PKNOX2: variants seen among roughly 807,000 people sequenced by gnomAD.
PKNOX2 encodes homeobox protein PKNOX2.
A neutral mutation model predicts 53.1 loss-of-function variants in PKNOX2; 14 were observed. The observed-to-expected ratio is 0.26, with a 90% CI of 0.17 to 0.41. The LOEUF (loss-of-function observed/expected upper bound fraction) is 0.41. Ranked by LOEUF, PKNOX2 falls within the 10% of genes least tolerant of loss-of-function variation. The probability of loss-of-function intolerance (pLI) is 1.00; values close to 1 mark genes in which losing one functional copy is unlikely to be tolerated. For missense variants in PKNOX2, 496 were observed against 602.8 expected (o/e 0.82, Z 1.85); for synonymous variants, 257 against 242.8 (o/e 1.06, Z -0.54).
intron 2 of PKNOX2, among the ~76,000 whole-genome samples, chr11:125,295,535 G>T (rs941953466): frequency 6.6e-6 from 1 of 152,220 alleles, no homozygotes; most frequent in Non-Finnish European, 1.5e-5. Context: ...GGCCTTTGCT[G>T]GATTCCTGTG....
chr11:125,388,877 G>A (rs1435804774), intron 6 of PKNOX2, among the ~76,000 whole-genome samples: 1 of 152,176 alleles, frequency 6.6e-6, no homozygotes, highest in African/African-American at 2.4e-5. Flanking sequence ...AGAAGAAACA[G>A]ATTCATCAAC....
At chr11:125,182,371 A>G (rs961833788) in intron 1 of PKNOX2, among the ~76,000 whole-genome samples, 10 of 152,198 alleles carry the variant, frequency 6.6e-5, no homozygotes, top group African/African-American at 2.4e-4. Context: ...ATAGGCAGAT[A>G]GATGTCTATG....
intron 2 of PKNOX2, among the ~76,000 whole-genome samples, chr11:125,304,084 G>A (rs2005404): frequency 0.2 from 29,807 of 152,072 alleles, 3,499 homozygotes; most frequent in East Asian, 0.33. Context: ...TCTGATACCC[G>A]CAGGGAGCTT....
chr11:125,376,467 C>T (rs1441806888), intron 5 of PKNOX2, among the ~76,000 whole-genome samples: 1 of 152,134 alleles, frequency 6.6e-6, no homozygotes, highest in Non-Finnish European at 1.5e-5. Flanking sequence ...CTACTCCCTC[C>T]CCTCCCTCTA....
intron 2 of PKNOX2, among the ~76,000 whole-genome samples, chr11:125,296,103 C>T (rs527563875): frequency 2.0e-5 from 3 of 152,166 alleles, no homozygotes; most frequent in Admixed American, 1.3e-4. Context: ...ACTGTTTCCA[C>T]GCTGGCCCCA....
chr11:125,292,759 G>A (rs951620613), intron 2 of PKNOX2, among the ~76,000 whole-genome samples: 8 of 152,148 alleles, frequency 5.3e-5, no homozygotes, highest in African/African-American at 1.9e-4. Flanking sequence ...AGAAGGCTGA[G>A]GTTTCCCTCA....
intron 2 of PKNOX2, among the ~76,000 whole-genome samples, chr11:125,265,204 G>A (rs1277754589): frequency 1.3e-5 from 2 of 151,894 alleles, no homozygotes; most frequent in South Asian, 2.1e-4. Flanking sequence ...GGAGATTGCC[G>A]TGAACCCAGG....
At chr11:125,428,912 C>T in intron 10 of PKNOX2, 100 bp from the exon 11 acceptor site, 1 of 1,292,442 alleles carries the variant, frequency 7.7e-7, no homozygotes, top group East Asian at 2.4e-5. Context: ...ACCACTCGGG[C>T]TGCCTGGCTC....
At chr11:125,346,460 A>C (rs1950974952) in intron 3 of PKNOX2, among the ~76,000 whole-genome samples, 1 of 152,242 alleles carries the variant, frequency 6.6e-6, no homozygotes. Flanking sequence ...TGTACAGATT[A>C]CAGAATAAGT....
chr11:125,300,789 T>G (rs983071261), intron 2 of PKNOX2, among the ~76,000 whole-genome samples: 24 of 152,138 alleles, frequency 1.6e-4, no homozygotes, highest in African/African-American at 5.3e-4. Flanking sequence ...CATTTTTTCC[T>G]CTATAGGGAA....
intron 10 of PKNOX2, among the ~76,000 whole-genome samples, chr11:125,423,950 A>T (rs907415909): frequency 6.6e-6 from 1 of 152,196 alleles, no homozygotes; most frequent in Non-Finnish European, 1.5e-5. Context: ...AAAAGGAACA[A>T]TTACAGTTAA....
At chr11:125,173,012 C>T (rs766812097) in intron 1 of PKNOX2, among the ~76,000 whole-genome samples, 15 of 152,216 alleles carry the variant, frequency 9.9e-5, no homozygotes, top group Non-Finnish European at 7.3e-5. Flanking sequence ...GGGGAAGGAA[C>T]ACAGGCTTTG....
chr11:125,207,979 A>T (rs1939345893), intron 1 of PKNOX2, among the ~76,000 whole-genome samples: 1 of 152,124 alleles, frequency 6.6e-6, no homozygotes, highest in Non-Finnish European at 1.5e-5. Flanking sequence ...ACTGAATGGA[A>T]TTCTGTAATG....
At chr11:125,257,402 G>A (rs1021604624) in intron 2 of PKNOX2, among the ~76,000 whole-genome samples, 8 of 152,186 alleles carry the variant, frequency 5.3e-5, no homozygotes, top group Non-Finnish European at 1.2e-4. Flanking sequence ...GGCCAAAGAA[G>A]CCAAGTGCAG....
At chr11:125,418,519 A>AG (rs1357996789) in intron 10 of PKNOX2, among the ~76,000 whole-genome samples, 3 of 151,632 alleles carry the variant, frequency 2.0e-5, no homozygotes, top group African/African-American at 7.3e-5. Context: ...GGCTGGGGGG[A>AG]GGCAGAGCGG....
chr11:125,340,035 C>T (rs958170529), intron 3 of PKNOX2, among the ~76,000 whole-genome samples: 2 of 152,214 alleles, frequency 1.3e-5, no homozygotes, highest in African/African-American at 4.8e-5. Flanking sequence ...CTGGGATCAG[C>T]ACTTTCATTT....
chr11:125,403,790 G>A (rs74998942), intron 7 of PKNOX2, among the ~76,000 whole-genome samples: 2,238 of 152,282 alleles, frequency 0.015, 65 homozygotes, highest in African/African-American at 0.05. Flanking sequence ...CAATTGCTAC[G>A]AAGCAAGAAT....
At chr11:125,299,707 G>A (rs1453168616) in intron 2 of PKNOX2, among the ~76,000 whole-genome samples, 1 of 152,218 alleles carries the variant, frequency 6.6e-6, no homozygotes, top group East Asian at 1.9e-4. Context: ...GTAGATGCCT[G>A]AAGTCGTTTT....
At chr11:125,260,588 C>T (rs184945472) in intron 2 of PKNOX2, among the ~76,000 whole-genome samples, 52 of 152,220 alleles carry the variant, frequency 3.4e-4, no homozygotes, top group Admixed American at 2.3e-3. Context: ...CAAGTAAAGA[C>T]GAGTTCTGTT....
Sources: gnomAD v4.1 joint callset for allele counts (sites outside exome capture counted in the v4.1 genomes callset) on GRCh38, gnomAD v4.1.1 for gene constraint, MANE v1.5 for transcripts, NCBI Gene and HGNC (gene_info 2026-07-23, HGNC 2026-07-21) for gene names.